The following ARHGEF9 variants were observed in gnomAD, a reference collection of about 807,000 sequenced individuals.
ARHGEF9 encodes the protein rho guanine nucleotide exchange factor 9.
ARHGEF9 carries 2 observed loss-of-function variants against 41.3 expected under a neutral mutation model. That is an observed-to-expected ratio of 0.05 (90% CI 0.02 to 0.15). The LOEUF (loss-of-function observed/expected upper bound fraction) is 0.15, where lower values mean the gene tolerates loss of function less well. ARHGEF9 is among the 10% of genes least tolerant of loss of function. The probability of loss-of-function intolerance (pLI) is 1.00; values close to 1 mark genes in which losing one functional copy is unlikely to be tolerated. For synonymous variants in ARHGEF9, 160 were observed against 154.4 expected (o/e 1.04, Z -0.27); for missense variants, 225 against 424.7 (o/e 0.53, Z 4.13).
chrX:63,656,020 G>C (rs1486227400), intron 7 of ARHGEF9, among the ~76,000 whole-genome samples: 1 of 112,015 alleles, frequency 8.9e-6, no homozygotes, highest in Non-Finnish European at 1.9e-5. Flanking sequence ...GTAGGAAACA[G>C]TAAGCCACAT....
intron 7 of ARHGEF9, chrX:63,658,122 A>G (rs1451985932): frequency 8.9e-6 from 1 of 112,188 alleles, no homozygotes; most frequent in African/African-American, 3.2e-5. Flanking sequence ...AAAAGCATCA[A>G]TTGAATCTCC....
intron 1 of ARHGEF9, among the ~76,000 whole-genome samples, chrX:63,783,476 G>C (rs1415386976): frequency 2.7e-5 from 3 of 110,917 alleles, no homozygotes; most frequent in African/African-American, 9.8e-5. Context: ...GGCTGTTCTT[G>C]AGCTCCCGAC....
chrX:63,720,356 T>G (rs188877375), intron 2 of ARHGEF9, among the ~76,000 whole-genome samples: 39 of 111,421 alleles, frequency 3.5e-4, no homozygotes, highest in Admixed American at 3.4e-3. Flanking sequence ...TTGGAAAAAG[T>G]CACTAAACAA....
Position 63,674,059 on chromosome X carries a change from C to T in ARHGEF9, c.924G>A (p.Gln308=), listed in dbSNP as rs1556358973. 7 of 1,209,661 alleles carry T rather than the reference C, an allele frequency of 5.8e-6. No homozygotes were observed. Among genetic ancestry groups the T allele is most frequent in the Non-Finnish European group, 7.8e-6 (7 of 894,950 alleles). Reference sequence around the variant, plus strand: ...CTACCTCCCAGTCTAGGACAGAAGCCTGCCACTGAGCAATCTTGTCAATAT... The same window carrying T: ...CTACCTCCCAGTCTAGGACAGAAGCTTGCCACTGAGCAATCTTGTCAATAT... ...LENIDKIAQW[Q]ASVLDWEGED... The change falls in exon 6 of 10, where the codon CAG becomes CAA. Residue 308 remains glutamine, a synonymous_variant. Coordinates refer to ENST00000671741, the MANE Select transcript of ARHGEF9 (RefSeq NM_001353921.2).
intron 8 of ARHGEF9, among the ~76,000 whole-genome samples, chrX:63,648,309 G>C (rs1360247160): frequency 9.9e-5 from 11 of 111,211 alleles, no homozygotes; most frequent in Non-Finnish European, 1.9e-4. Flanking sequence ...CATTCTTAAA[G>C]AAAATAATTT....
chrX:63,680,021 A>C (rs781959429), intron 4 of ARHGEF9, among the ~76,000 whole-genome samples: 2 of 112,549 alleles, frequency 1.8e-5, no homozygotes, highest in Non-Finnish European at 3.8e-5. Context: ...TACAAAAATC[A>C]ACCGTATTCC....
chrX:63,784,164 C>A (rs1170538595), intron 1 of ARHGEF9, among the ~76,000 whole-genome samples: 1 of 112,162 alleles, frequency 8.9e-6, no homozygotes, highest in Admixed American at 9.4e-5. Flanking sequence ...TGCCTGCTGA[C>A]CCAACCTAAC....
chrX:63,663,894 T>A (rs1394087847), intron 7 of ARHGEF9, among the ~76,000 whole-genome samples: 1 of 112,343 alleles, frequency 8.9e-6, no homozygotes, highest in East Asian at 2.8e-4. Flanking sequence ...AATTAGGCTA[T>A]AACTGCTCGT....
chrX:63,660,070 T>C (rs782244512), intron 7 of ARHGEF9, among the ~76,000 whole-genome samples: 1 of 112,209 alleles, frequency 8.9e-6, no homozygotes, highest in Non-Finnish European at 1.9e-5. Context: ...TAAATCGTTC[T>C]ACCACAAAGA....
At chrX:63,677,691 T>C (rs2050347521) in intron 5 of ARHGEF9, among the ~76,000 whole-genome samples, 1 of 111,103 alleles carries the variant, frequency 9.0e-6, no homozygotes, top group African/African-American at 3.3e-5. Context: ...GGGACCTAGA[T>C]GGCAAGAGGA....
At chrX:63,758,144 T>G (rs1569505461) in intron 1 of ARHGEF9, among the ~76,000 whole-genome samples, 1 of 108,179 alleles carries the variant, frequency 9.2e-6, no homozygotes, top group African/African-American at 3.4e-5. Flanking sequence ...TTTTTTTTTT[T>G]GTCACTGAGG....
intron 6 of ARHGEF9, among the ~76,000 whole-genome samples, chrX:63,666,993 A>G (rs2049618610): frequency 9.0e-6 from 1 of 111,720 alleles, no homozygotes; most frequent in African/African-American, 3.3e-5. Flanking sequence ...GTCTTCATGG[A>G]GGAGACGAAT....
At chrX:63,756,891 C>T (rs2055941366) in intron 1 of ARHGEF9, among the ~76,000 whole-genome samples, 1 of 111,721 alleles carries the variant, frequency 9.0e-6, no homozygotes, top group African/African-American at 3.3e-5. Context: ...GCTTTACCCT[C>T]ATTGTCCTAT....
At chrX:63,702,127 T>C (rs1569479405) in intron 3 of ARHGEF9, among the ~76,000 whole-genome samples, 1 of 112,535 alleles carries the variant, frequency 8.9e-6, no homozygotes, top group African/African-American at 3.2e-5. Context: ...GTGAATGGTA[T>C]GATCACTAAT....
chrX:63,753,627 C>T (rs2055791431), intron 1 of ARHGEF9, among the ~76,000 whole-genome samples: 1 of 109,193 alleles, frequency 9.2e-6, no homozygotes, highest in South Asian at 4.0e-4. Context: ...GCCCAAATAG[C>T]TCCTGTCAAA....
chrX:63,673,100 T>A (rs782237475), intron 6 of ARHGEF9, among the ~76,000 whole-genome samples: 4 of 112,146 alleles, frequency 3.6e-5, no homozygotes, highest in Non-Finnish European at 5.6e-5. Flanking sequence ...GGTAGCAGAA[T>A]AAAAGGAAAG....
At chrX:63,767,983 C>T (rs2056141079) in intron 1 of ARHGEF9, among the ~76,000 whole-genome samples, 1 of 112,107 alleles carries the variant, frequency 8.9e-6, no homozygotes, top group Non-Finnish European at 1.9e-5. Context: ...CATGTCAAGG[C>T]ACTTTTTCTT....
At chrX:63,749,523 G>A (rs1318755639) in intron 1 of ARHGEF9, among the ~76,000 whole-genome samples, 1 of 112,368 alleles carries the variant, frequency 8.9e-6, no homozygotes, top group African/African-American at 3.2e-5. Flanking sequence ...GAGCCACCAC[G>A]TCAGGCCCTC....
intron 4 of ARHGEF9, among the ~76,000 whole-genome samples, chrX:63,695,616 G>A (rs781908439): frequency 6.3e-5 from 7 of 111,792 alleles, no homozygotes; most frequent in South Asian, 7.5e-4. Context: ...AAGAGTTATC[G>A]TATCAGGCCT....
Sources: allele counts gnomAD v4.1 joint callset (sites outside exome capture counted in the v4.1 genomes callset), GRCh38; gene constraint gnomAD v4.1.1; transcripts MANE v1.5; gene names NCBI Gene and HGNC (gene_info 2026-07-23, HGNC 2026-07-21).